The following SRD5A2 variants were observed in gnomAD, a reference collection of about 807,000 sequenced individuals.
The protein encoded by SRD5A2 is steroid 5 alpha-reductase 2.
Under a neutral mutation model 27.4 loss-of-function variants are expected in SRD5A2, and 30 were observed. That is an observed-to-expected ratio of 1.10 (90% CI 0.82 to 1.49). The LOEUF (loss-of-function observed/expected upper bound fraction) is 1.49. SRD5A2 is among the 40% of genes most tolerant of loss of function. The pLI, the probability that SRD5A2 is intolerant of heterozygous loss-of-function variation, is 0.00. For synonymous variants in SRD5A2, 141 were observed against 133.6 expected, an observed-to-expected ratio of 1.06 and a Z score of -0.38; for missense variants, 348 against 323.4, an observed-to-expected ratio of 1.08 and a Z score of -0.58.
At chr2:31,594,826 A>C in the SRD5A2 span, among the ~76,000 whole-genome samples, 2 of 152,170 alleles carry the variant, frequency 1.3e-5, no homozygotes, top group Non-Finnish European at 2.9e-5. Context: ...AGTCTCAATA[A>C]ATTTAAGACA....
the SRD5A2 span, among the ~76,000 whole-genome samples, chr2:31,625,331 G>C: frequency 0.011 from 1,624 of 152,274 alleles, 17 homozygotes; most frequent in African/African-American, 0.013. Context: ...TCTGATGGTA[G>C]TTTCTTTTGC....
chr2:31,544,304 T>A (rs192497851), intron 1 of SRD5A2, among the ~76,000 whole-genome samples: 1 of 151,730 alleles, frequency 6.6e-6, no homozygotes, highest in African/African-American at 2.4e-5. Flanking sequence ...AGTAATGACA[T>A]AGAGAACTTA....
chr2:31,609,369 C>A, the SRD5A2 span, among the ~76,000 whole-genome samples: 1 of 151,516 alleles, frequency 6.6e-6, no homozygotes, highest in African/African-American at 2.4e-5. Context: ...AAACTTAGTA[C>A]AAAATAACAA....
At chr2:31,568,313 C>T (rs773935926) in intron 1 of SRD5A2, among the ~76,000 whole-genome samples, 19 of 152,282 alleles carry the variant, frequency 1.2e-4, no homozygotes, top group African/African-American at 4.3e-4. Flanking sequence ...TTTCAGTCCC[C>T]GCATTCAGCA....
At chr2:31,656,823 T>C in the SRD5A2 span, among the ~76,000 whole-genome samples, 4 of 152,204 alleles carry the variant, frequency 2.6e-5, no homozygotes, top group Non-Finnish European at 5.9e-5. Context: ...GGTGGTCATA[T>C]TGATAGTATG....
At chr2:31,611,265 T>C in the SRD5A2 span, among the ~76,000 whole-genome samples, 851 of 152,242 alleles carry the variant, frequency 5.6e-3, 7 homozygotes, top group South Asian at 0.017. Context: ...ACCAAAATTA[T>C]AGATTCATGA....
the SRD5A2 span, among the ~76,000 whole-genome samples, chr2:31,613,356 T>A: frequency 4.7e-5 from 7 of 150,248 alleles, no homozygotes. Flanking sequence ...GAGCAAAGAG[T>A]CTGAACAGAC....
chr2:31,657,068 C>T, the SRD5A2 span, among the ~76,000 whole-genome samples: 1 of 152,152 alleles, frequency 6.6e-6, no homozygotes, highest in Non-Finnish European at 1.5e-5. Flanking sequence ...TGAGACAGGA[C>T]AACTAAATAT....
intron 1 of SRD5A2, among the ~76,000 whole-genome samples, chr2:31,549,127 AT>A (rs886525459): frequency 9.2e-5 from 13 of 142,030 alleles, no homozygotes; most frequent in African/African-American, 3.4e-4. Flanking sequence ...TATTATTATT[AT>A]TTAAGATGGA....
At chr2:31,655,580 G>A in the SRD5A2 span, among the ~76,000 whole-genome samples, 2 of 152,074 alleles carry the variant, frequency 1.3e-5, no homozygotes, top group African/African-American at 2.4e-5. Context: ...CTGTACAGGA[G>A]AGAAGGCAAA....
chr2:31,590,591 T>C, the SRD5A2 span, among the ~76,000 whole-genome samples: 21 of 152,108 alleles, frequency 1.4e-4, no homozygotes, highest in African/African-American at 4.8e-4. Context: ...TTAAAGTTCA[T>C]ATGGAACCAA....
At chr2:31,596,203 T>C in the SRD5A2 span, among the ~76,000 whole-genome samples, 9 of 151,898 alleles carry the variant, frequency 5.9e-5, no homozygotes, top group Admixed American at 2.6e-4. Context: ...GCGTGACCAA[T>C]ACAGTGAAAA....
chr2:31,569,462 C>T (rs955559542), intron 1 of SRD5A2, among the ~76,000 whole-genome samples: 1 of 152,040 alleles, frequency 6.6e-6, no homozygotes, highest in African/African-American at 2.4e-5. Context: ...TAGTGATACC[C>T]CATTGTGGTT....
chr2:31,608,907 T>A, the SRD5A2 span, among the ~76,000 whole-genome samples: 102,644 of 151,962 alleles, frequency 0.68, 34,924 homozygotes, highest in African/African-American at 0.71. Flanking sequence ...CAATGTGACT[T>A]TATGTGGAAA....
the SRD5A2 span, among the ~76,000 whole-genome samples, chr2:31,604,024 A>T: frequency 6.6e-6 from 1 of 151,936 alleles, no homozygotes; most frequent in Non-Finnish European, 1.5e-5. Context: ...AAACCTGCAC[A>T]TCCTATACAT....
the SRD5A2 span, among the ~76,000 whole-genome samples, chr2:31,655,774 A>C: frequency 6.6e-6 from 1 of 152,198 alleles, no homozygotes; most frequent in Admixed American, 6.5e-5. Context: ...AATAAATAAT[A>C]AGCATAAGCT....
At chr2:31,604,136 A>T in the SRD5A2 span, among the ~76,000 whole-genome samples, 1 of 151,852 alleles carries the variant, frequency 6.6e-6, no homozygotes, top group Admixed American at 6.6e-5. Flanking sequence ...ATACCTCAAC[A>T]TAACAAAAGC....
chr2:31,619,435 C>T, the SRD5A2 span, among the ~76,000 whole-genome samples: 102,939 of 151,962 alleles, frequency 0.68, 35,101 homozygotes, highest in African/African-American at 0.7. Flanking sequence ...GAATGATTTA[C>T]ATTCCTTTAG....
chr2:31,658,928 G>C, the SRD5A2 span, among the ~76,000 whole-genome samples: 1 of 151,996 alleles, frequency 6.6e-6, no homozygotes, highest in Non-Finnish European at 1.5e-5. Context: ...GAAAACTTCA[G>C]GCCAATATCC....
Sources: allele counts gnomAD v4.1 joint callset (sites outside exome capture counted in the v4.1 genomes callset), GRCh38; gene constraint gnomAD v4.1.1; transcripts MANE v1.5; gene names NCBI Gene and HGNC (gene_info 2026-07-23, HGNC 2026-07-21).